Variants in KIF1B observed in about 807,000 individuals in gnomAD.
The protein encoded by KIF1B is kinesin family member 1B, also known as kinesin-like protein KIF1B.
KIF1B carries 76 observed loss-of-function variants against 241.9 expected under a neutral mutation model. The observed-to-expected ratio is 0.31, with a 90% CI of 0.26 to 0.38. The LOEUF is 0.38. KIF1B is among the 10% of genes least tolerant of loss of function. KIF1B has a pLI of 1.00. For missense variants in KIF1B, 1,622 were observed against 2,271.4 expected (o/e 0.71, Z 5.81); for synonymous variants, 750 against 796.7 (o/e 0.94, Z 0.99).
At chr1:10,356,255 A>G (rs1251265418) in intron 38 of KIF1B, among the ~76,000 whole-genome samples, 1 of 151,780 alleles carries the variant, frequency 6.6e-6, no homozygotes, top group Non-Finnish European at 1.5e-5. Context: ...AATCCCAGCT[A>G]CTCAGGAGGC....
rs1341773631 is a variant in KIF1B, at chr1:10,345,912, C to A, written c.3756C>A (p.Leu1252=). ...GCCAGAGCATGAGCAAGTATGACCTCCTGGTTTGGTTTGAGATCAGTGAAC... is the reference window on the plus strand; with the variant it reads ...GCCAGAGCATGAGCAAGTATGACCTACTGGTTTGGTTTGAGATCAGTGAAC... The part of the protein sequence containing the change: ...SLGQSMSKYD[L]LVWFEISELE... The change falls in exon 35 of 49, where the codon CTC becomes CTA. Residue 1252 remains leucine (L), a synonymous_variant. Coordinates refer to ENST00000676179, the MANE Select transcript of KIF1B (RefSeq NM_001365951.3). 6 of 1,613,986 alleles carry A rather than the reference C, an allele frequency of 3.7e-6. No individual in the cohort carries two copies. Among genetic ancestry groups the A allele is most frequent in the Non-Finnish European group, 5.1e-6 (6 of 1,179,964 alleles).
intron 15 of KIF1B, among the ~76,000 whole-genome samples, chr1:10,283,305 C>A (rs1649523895): frequency 6.7e-6 from 1 of 149,348 alleles, no homozygotes; most frequent in African/African-American, 2.5e-5. Flanking sequence ...TCTAGAAGTT[C>A]ACAGAAAGCC....
At chr1:10,345,209 A>T (rs1298610344) in intron 34 of KIF1B, among the ~76,000 whole-genome samples, 1 of 152,230 alleles carries the variant, frequency 6.6e-6, no homozygotes, top group Non-Finnish European at 1.5e-5. Flanking sequence ...GTGTGACATA[A>T]GATCATTTAC....
intron 21 of KIF1B, 43 bp from the exon 22 acceptor site, chr1:10,297,131 A>T: frequency 1.2e-6 from 2 of 1,610,928 alleles, no homozygotes; most frequent in Non-Finnish European, 1.7e-6. Context: ...AACATGTAAT[A>T]CTAATAGCAT....
intron 27 of KIF1B, among the ~76,000 whole-genome samples, chr1:10,328,571 G>A (rs888018821): frequency 2.0e-5 from 3 of 152,206 alleles, no homozygotes; most frequent in Non-Finnish European, 4.4e-5. Context: ...TTTGATGGCT[G>A]CCTGTGTTCT....
At chr1:10,360,870 C>T (rs1180325600) in intron 38 of KIF1B, 59 bp from the exon 39 acceptor site, 4 of 1,123,222 alleles carry the variant, frequency 3.6e-6, no homozygotes, top group Non-Finnish European at 4.1e-6. Flanking sequence ...GTGGCAGTAC[C>T]TGGACTAACG....
At chr1:10,280,958 ACT>A (rs150198738) in intron 14 of KIF1B, among the ~76,000 whole-genome samples, 2,853 of 151,138 alleles carry the variant, frequency 0.019, 41 homozygotes, top group Non-Finnish European at 0.028. Flanking sequence ...TTGGACCTAA[ACT>A]CTGTCCATCC....
chr1:10,248,276 T>A (rs1346704775), intron 2 of KIF1B, among the ~76,000 whole-genome samples: 1 of 152,158 alleles, frequency 6.6e-6, no homozygotes, highest in Non-Finnish European at 1.5e-5. Flanking sequence ...AACGGCTCAC[T>A]GTAGCTTCAA....
At position 10,326,166 on chromosome 1, in the gene KIF1B, C is replaced by T; in HGVS notation, c.2731C>T (p.Pro911Ser). 6.2e-7 allele frequency: 1 copy of T among 1,614,166 alleles called. No homozygotes were observed. Among genetic ancestry groups the T allele is most frequent in the Non-Finnish European group, 8.5e-7 (1 of 1,180,030 alleles). Reference sequence around the variant, plus strand: ...GCGCCTTGCCGACCGCACACCCTCCCCCACTTTTTCCACGGCCGATTCCGA... The same window carrying T: ...GCGCCTTGCCGACCGCACACCCTCCTCCACTTTTTCCACGGCCGATTCCGA... Reference protein sequence around the residue: ...NERLADRTPSPTFSTADSDIT... With the variant: ...NERLADRTPSSTFSTADSDIT... The change falls in exon 27 of 49, where the codon CCC (proline) becomes TCC (serine). Residue 911 changes from proline (P) to serine (S), a missense_variant. By Grantham distance (74) the Pro-to-Ser change is moderately conservative. Around this residue, in one of 7 missense-constraint regions of KIF1B, gnomAD observed 803 missense variants for 1,112.0 expected, o/e 0.72. Transcript: ENST00000676179. The surrounding 1 kb of genome is among the most constrained non-coding windows in gnomAD (Gnocchi z 5.2).
intron 45 of KIF1B, among the ~76,000 whole-genome samples, chr1:10,371,826 G>A (rs989540733): frequency 2.6e-5 from 4 of 152,140 alleles, no homozygotes; most frequent in East Asian, 1.9e-4. Flanking sequence ...CCAGCTACTC[G>A]GGAGGCTGAA....
At chr1:10,371,058 C>A in intron 44 of KIF1B, 83 bp from the exon 45 acceptor site, 1 of 1,524,110 alleles carries the variant, frequency 6.6e-7, no homozygotes. Context: ...AAGTGAGGTT[C>A]TGGTTGTTGA....
intron 31 of KIF1B, among the ~76,000 whole-genome samples, chr1:10,338,007 C>G (rs992925091): frequency 6.6e-6 from 1 of 152,190 alleles, no homozygotes; most frequent in Non-Finnish European, 1.5e-5. Flanking sequence ...TGTGATACCT[C>G]TCATTTCTCA....
At chr1:10,291,883 A>G (rs1186809050) in intron 16 of KIF1B, among the ~76,000 whole-genome samples, 164 bp from the exon 17 acceptor site, 1 of 152,192 alleles carries the variant, frequency 6.6e-6, no homozygotes, top group Non-Finnish European at 1.5e-5. Context: ...TTTAGAAATA[A>G]CTTCTCATTA....
rs370309847 is a variant in KIF1B, at chr1:10,304,363, A to G, written c.2115+7117A>G. ...CAATTCTCTCAATAATGGCCAGCCGAAAAGTACGCGCTGCCAGGCATCTGC... is the reference window on the plus strand; with the variant it reads ...CAATTCTCTCAATAATGGCCAGCCGGAAAGTACGCGCTGCCAGGCATCTGC... On this transcript the variant is annotated intron_variant, in intron 22 of 48. Coordinates refer to ENST00000676179, the MANE Select transcript of KIF1B (RefSeq NM_001365951.3). The G allele has an allele frequency of 3.1e-6, 5 of 1,614,244 alleles. No individual in the cohort carries two copies. The African/African-American group carries it at 5.3e-5, about 17-fold the overall frequency.
chr1:10,347,359 T>C (rs1392007010), intron 35 of KIF1B, among the ~76,000 whole-genome samples: 1 of 152,338 alleles, frequency 6.6e-6, no homozygotes, highest in South Asian at 2.1e-4. Flanking sequence ...GACAGACTTA[T>C]GATGTGATTA....
chr1:10,324,816 G>T lies in KIF1B; in HGVS notation c.2596G>T (p.Ala866Ser). The T allele has an allele frequency of 6.2e-7, 1 of 1,614,122 alleles. No individual in the cohort carries two copies. Among genetic ancestry groups the T allele is most frequent in the Non-Finnish European group, 8.5e-7 (1 of 1,180,016 alleles). ...TAGGGCAGGGGAGATGGCCTCCAGTGCCCAAGACGAAAGCGAAACCACTGT... is the reference window on the plus strand; with the variant it reads ...TAGGGCAGGGGAGATGGCCTCCAGTTCCCAAGACGAAAGCGAAACCACTGT... Reference protein sequence around the residue: ...YDRAGEMASSAQDESETTVTG... With the variant: ...YDRAGEMASSSQDESETTVTG... Residue 866 changes from alanine to serine, a missense_variant, in exon 26 of 49, where the codon GCC becomes TCC. This residue lies in a region of KIF1B where 803 missense variants were observed against 1,112.0 expected (regional missense o/e 0.72). Transcript: ENST00000676179.
chr1:10,243,743 T>C (rs549563854), intron 2 of KIF1B, among the ~76,000 whole-genome samples: 26 of 152,248 alleles, frequency 1.7e-4, no homozygotes, highest in Admixed American at 6.5e-4. Context: ...GCAGTAATGC[T>C]GAATGTCTAT....
At chr1:10,236,782 T>C (rs185260487) in intron 2 of KIF1B, among the ~76,000 whole-genome samples, 13 of 152,310 alleles carry the variant, frequency 8.5e-5, no homozygotes, top group African/African-American at 2.4e-4. Flanking sequence ...AAGTGAGAGA[T>C]TTTTAACATT....
chr1:10,270,875 A>G (rs1321915973), intron 7 of KIF1B, among the ~76,000 whole-genome samples: 6 of 151,672 alleles, frequency 4.0e-5, no homozygotes, highest in Admixed American at 2.6e-4. Flanking sequence ...GCAGTGAGCC[A>G]AGATTGCACC....
Sources: gnomAD v4.1 joint callset for allele counts (sites outside exome capture counted in the v4.1 genomes callset) on GRCh38, gnomAD v4.1.1 for gene constraint, gnomAD v4.1.1 regional missense constraint, Gnocchi (gnomAD v3.1) non-coding constraint, MANE v1.5 for transcripts, NCBI Gene and HGNC (gene_info 2026-07-23, HGNC 2026-07-21) for gene names.